The following ACTA2 variants were observed in gnomAD, a reference collection of about 807,000 sequenced individuals.
The protein encoded by ACTA2 is actin alpha 2, smooth muscle.
In ACTA2, 12 loss-of-function variants were observed where a neutral mutation model predicts 39.5. The observed-to-expected ratio is 0.30, with a 90% CI of 0.19 to 0.49. ACTA2 has a LOEUF of 0.49. Ranked by LOEUF, ACTA2 falls within the 20% of genes least tolerant of loss-of-function variation. The pLI is 0.99. For missense variants in ACTA2, 236 were observed against 498.8 expected (o/e 0.47, Z 5.02); for synonymous variants, 158 against 180.6 (o/e 0.88, Z 1.00).
At chr10:88,939,870 G>GAACC in intron 6 of ACTA2, 172 bp from the exon 7 acceptor site, 1 of 683,726 alleles carries the variant, frequency 1.5e-6, no homozygotes, top group South Asian at 1.7e-5. Context: ...GGCCACCAGG[G>GAACC]AACCACCTCT....
chr10:88,957,424 A>G (rs1238175960), upstream of ACTA2, among the ~76,000 whole-genome samples: 1 of 152,226 alleles, frequency 6.6e-6, no homozygotes, highest in Non-Finnish European at 1.5e-5. Flanking sequence ...AAGAACAGAG[A>G]GCTTTAAAAG....
At chr10:88,957,956 C>T (rs1255077840) in intron 1 of ACTA2, among the ~76,000 whole-genome samples, 2 of 151,856 alleles carry the variant, frequency 1.3e-5, no homozygotes, top group African/African-American at 4.8e-5. Context: ...TTAGTAGAGA[C>T]GGGGCTTTAC....
rs757166963 is a variant in ACTA2, at chr10:88,935,237, G to C, written c.1120C>G (p.Arg374Gly). 1 of 1,613,458 alleles carries C rather than the reference G, an allele frequency of 6.2e-7. No homozygotes were observed. The highest frequency in any genetic ancestry group is 8.5e-7 in the Non-Finnish European group (1 of 1,179,818). ...YDEAGPSIVH[R>G]KCF The stretch of plus-strand genomic sequence containing the variant: ...AGGAAAGTGTTTTAGAAGCATTTGC[G>C]GTGGACAATGGAAGGCCCGGCTTCA... Residue 374 changes from arginine (R) to glycine (G), a missense_variant, in exon 9 of 9, where the codon CGC (arginine) becomes GGC (glycine). Physicochemically the swap from Arg to Gly is moderately radical, Grantham distance 125 (BLOSUM62 -2). Coordinates refer to ENST00000224784, the MANE Select transcript of ACTA2 (RefSeq NM_001613.4).
At chr10:88,984,986 A>C (rs1391133797) in intron 1 of ACTA2, among the ~76,000 whole-genome samples, 1 of 152,274 alleles carries the variant, frequency 6.6e-6, no homozygotes, top group Non-Finnish European at 1.5e-5. Context: ...TAGGTAAATA[A>C]AATGACATTT....
At chr10:88,978,322 C>G (rs1460955864) in intron 1 of ACTA2, among the ~76,000 whole-genome samples, 1 of 148,816 alleles carries the variant, frequency 6.7e-6, no homozygotes, top group Admixed American at 6.7e-5. Flanking sequence ...GTGGGTGCAG[C>G]GCACCAGCAT....
chr10:88,966,752 T>C (rs1430089926), intron 1 of ACTA2, among the ~76,000 whole-genome samples: 1 of 152,198 alleles, frequency 6.6e-6, no homozygotes, highest in African/African-American at 2.4e-5. Context: ...TCAGGGCTCC[T>C]GAGCAGGTCA....
rs1564644436 is a variant in ACTA2 at position 88,941,282 on chromosome 10, G to A, written c.563C>T (p.Thr188Ile). Residue 188 changes from threonine to isoleucine, a missense_variant, in exon 6 of 9, where the codon ACT becomes ATT. By Grantham distance (89) the Thr-to-Ile change is moderately conservative (BLOSUM62 -1). Coordinates refer to ENST00000224784, the MANE Select transcript of ACTA2 (RefSeq NM_001613.4). ...MRLDLAGRDLTDYLMKILTER... is the reference protein window; with the variant it reads ...MRLDLAGRDLIDYLMKILTER... ...AGTCAGGATCTTCATGAGGTAGTCAGTGAGATCTCGGCCAGCCAGATCCAG... is the reference window on the plus strand; with the variant it reads ...AGTCAGGATCTTCATGAGGTAGTCAATGAGATCTCGGCCAGCCAGATCCAG... 6.2e-7 allele frequency: 1 copy of A among 1,614,044 alleles called. No individual in the cohort carries two copies. Among genetic ancestry groups the A allele is most frequent in the Non-Finnish European group, 8.5e-7 (1 of 1,179,954 alleles).
At chr10:88,969,455 C>T (rs1846383447) in intron 1 of ACTA2, among the ~76,000 whole-genome samples, 1 of 152,188 alleles carries the variant, frequency 6.6e-6, no homozygotes, top group Non-Finnish European at 1.5e-5. Context: ...AAAGCATGCC[C>T]CCATTGGCAT....
At chr10:88,949,140 G>C (rs1846006080) in intron 1 of ACTA2, among the ~76,000 whole-genome samples, 187 bp from the exon 2 acceptor site, 2 of 152,198 alleles carry the variant, frequency 1.3e-5, no homozygotes, top group South Asian at 4.1e-4. Flanking sequence ...TCAGTAAGCT[G>C]AAACTCTGAC....
In ACTA2 at chr10:88,943,916, T is replaced by C; in HGVS notation, c.259-9A>G. The C allele has an allele frequency of 1.2e-6, 2 of 1,611,920 alleles. No homozygotes were observed. The highest frequency in any genetic ancestry group is 1.7e-6 in the Non-Finnish European group (2 of 1,178,252). ...AAAGAGTGGTGCCAGATCTAGTGAG[T>C]TGGGGGACAGAGGAGAAACACAATG... On this transcript the variant is annotated splice_polypyrimidine_tract_variant and intron_variant, in intron 3 of 8. Coordinates refer to ENST00000224784, the MANE Select transcript of ACTA2 (RefSeq NM_001613.4).
In ACTA2 at chr10:88,943,852, G is replaced by A. The variant is rs1343660153; in HGVS notation, c.314C>T (p.Thr105Ile). 1.2e-6 allele frequency: 2 copies of A among 1,613,912 alleles called. No individual in the cohort carries two copies. The highest frequency in any genetic ancestry group is 1.7e-6 in the Non-Finnish European group (2 of 1,179,944). The part of the protein sequence containing the change: ...ELRVAPEEHP[T>I]LLTEAPLNPK... The stretch of plus-strand genomic sequence containing the variant: ...GTTCAGGGGTGCCTCCGTGAGCAGG[G>A]TGGGATGCTCTTCAGGGGCAACACG... The change falls in exon 4 of 9, where the codon ACC (threonine) becomes ATC (isoleucine). Residue 105 changes from threonine to isoleucine, a missense_variant. Thr to Ile is a moderately conservative substitution (Grantham distance 89, BLOSUM62 -1). Transcript: ENST00000224784.
At position 88,983,609 on chromosome 10, in the gene ACTA2, C is replaced by CA. The variant is rs71022549; in HGVS notation, c.-24+7329dup. The stretch of plus-strand genomic sequence containing the variant: ...GGTTTAGATAAGTTAACAGGTTATG[C>CA]AAAAAAAAAAAAAAAAAAAAAAAAA... On this transcript the variant is annotated intron_variant, in intron 1 of 4. Transcript: ENST00000415557. Among the ~76,000 whole-genome samples the CA allele has an allele frequency of 1.3e-3, 60 of 46,454 alleles. 14 individuals are homozygous for CA. Among genetic ancestry groups the CA allele is most frequent in the Middle Eastern group, 0.022 (1 of 46 alleles). 30.5% of individuals were successfully genotyped at this position (46,454 alleles called of 152,430 possible).
chr10:88,952,548 G>C (rs577462166), intron 1 of ACTA2, among the ~76,000 whole-genome samples, 183 bp downstream of exon 1: 8 of 152,184 alleles, frequency 5.3e-5, no homozygotes, highest in Admixed American at 4.6e-4. Context: ...CTACATATTA[G>C]CCCTGTCTTT....
At chr10:88,963,323 G>C (rs531740391) in intron 1 of ACTA2, among the ~76,000 whole-genome samples, 1 of 152,020 alleles carries the variant, frequency 6.6e-6, no homozygotes, top group African/African-American at 2.4e-5. Flanking sequence ...GAGGGGAATG[G>C]AACTTACATT....
chr10:88,936,284 G>T (rs1262409075), intron 8 of ACTA2, among the ~76,000 whole-genome samples: 1 of 152,014 alleles, frequency 6.6e-6, no homozygotes, highest in Non-Finnish European at 1.5e-5. Context: ...TCTCCCAGGT[G>T]GTTTTATGTT....
rs1589439985 is a variant in ACTA2 at position 88,990,997 on chromosome 10, C to A, written c.-82G>T. 5.8e-6 allele frequency: 9 copies of A among 1,561,816 alleles called. No homozygotes were observed. Among genetic ancestry groups the A allele is most frequent in the Admixed American group, 1.7e-5 (1 of 57,998 alleles). On this transcript the variant is annotated 5_prime_UTR_variant, in exon 1 of 5. Coordinates refer to the ACTA2 transcript ENST00000415557. The surrounding 1 kb of genome is among the most constrained non-coding windows in gnomAD (Gnocchi z 4.9). ...CGGGCGCGGGACGCGTGCGGGATTGCGGCGGCAGCGGCGCACGCGGGCACC... is the reference window on the plus strand; with the variant it reads ...CGGGCGCGGGACGCGTGCGGGATTGAGGCGGCAGCGGCGCACGCGGGCACC...
chr10:88,977,609 A>G (rs796727701), intron 1 of ACTA2, among the ~76,000 whole-genome samples: 1 of 147,070 alleles, frequency 6.8e-6, no homozygotes, highest in South Asian at 2.2e-4. Context: ...GACACTTCTC[A>G]AAAGAAGACA....
At chr10:88,963,263 A>G (rs1188313905) in intron 1 of ACTA2, among the ~76,000 whole-genome samples, 1 of 151,952 alleles carries the variant, frequency 6.6e-6, no homozygotes, top group Admixed American at 6.6e-5. Flanking sequence ...ATAGGTTTGG[A>G]GCAAATGCCT....
Position 88,990,815 on chromosome 10 carries a change from G to T in ACTA2, c.-24+124C>A. On this transcript the variant is annotated intron_variant, in intron 1 of 4. Transcript: ENST00000415557. The surrounding 1 kb of genome is among the most constrained non-coding windows in gnomAD (Gnocchi z 4.9). The stretch of plus-strand genomic sequence containing the variant: ...GGAGCTGCCTCTTCTCCCGCGGGTT[G>T]GTGGACCCGCTCAGTACGGAGTTGG... 6.2e-7 allele frequency: 1 copy of T among 1,610,788 alleles called. No homozygotes were observed. The highest frequency in any genetic ancestry group is 8.5e-7 in the Non-Finnish European group (1 of 1,177,072).
Sources: gnomAD v4.1 joint callset for allele counts (sites outside exome capture counted in the v4.1 genomes callset) on GRCh38, gnomAD v4.1.1 for gene constraint, Gnocchi (gnomAD v3.1) non-coding constraint, MANE v1.5 for transcripts, NCBI Gene and HGNC (gene_info 2026-07-23, HGNC 2026-07-21) for gene names.